CDH20: variants seen among roughly 807,000 people sequenced by gnomAD.
CDH20 encodes cadherin 20.
Under a neutral mutation model 74.2 loss-of-function variants are expected in CDH20, and 29 were observed. The observed-to-expected ratio is 0.39, with a 90% CI of 0.29 to 0.53. The LOEUF is 0.53. Ranked by LOEUF, CDH20 falls within the 20% of genes least tolerant of loss-of-function variation. CDH20 has a pLI of 0.69. For synonymous variants in CDH20, 469 were observed against 405.4 expected (o/e 1.16, Z -1.88); for missense variants, 988 against 1,048.3 (o/e 0.94, Z 0.79).
At chr18:61,466,560 T>G (rs1909969106) in intron 1 of CDH20, among the ~76,000 whole-genome samples, 1 of 152,106 alleles carries the variant, frequency 6.6e-6, no homozygotes. Flanking sequence ...CGAAACAATC[T>G]AGGGGACAGA....
intron 11 of CDH20, 82 bp from the exon 12 acceptor site, chr18:61,554,108 T>C: frequency 6.6e-7 from 1 of 1,510,030 alleles, no homozygotes; most frequent in East Asian, 2.3e-5. Context: ...CCCCTATCCG[T>C]GGTGAATCAA....
chr18:61,428,175 T>TC (rs1296667720), intron 1 of CDH20, among the ~76,000 whole-genome samples: 1 of 152,174 alleles, frequency 6.6e-6, no homozygotes, highest in Non-Finnish European at 1.5e-5. Flanking sequence ...ATCCTGTGTT[T>TC]CCCAAGTAAT....
intron 1 of CDH20, among the ~76,000 whole-genome samples, chr18:61,399,098 T>C (rs1329100354): frequency 6.6e-6 from 1 of 151,266 alleles, no homozygotes; most frequent in Non-Finnish European, 1.5e-5. Context: ...GAAACTTTTA[T>C]CAACATGACT....
At chr18:61,496,647 C>G (rs540315325) in intron 2 of CDH20, among the ~76,000 whole-genome samples, 1 of 152,156 alleles carries the variant, frequency 6.6e-6, no homozygotes, top group African/African-American at 2.4e-5. Context: ...CGCTCACCTG[C>G]GGCCTGCCGG....
intron 1 of CDH20, among the ~76,000 whole-genome samples, chr18:61,416,575 C>G (rs976741308): frequency 1.3e-5 from 2 of 152,190 alleles, no homozygotes; most frequent in Admixed American, 1.3e-4. Context: ...GCCATCTCAT[C>G]TATATGACAG....
intron 1 of CDH20, among the ~76,000 whole-genome samples, chr18:61,471,843 A>G (rs1910192101): frequency 6.6e-6 from 1 of 152,204 alleles, no homozygotes. Flanking sequence ...AGAGAAGCTC[A>G]GCTGAGATAC....
intron 1 of CDH20, among the ~76,000 whole-genome samples, chr18:61,439,167 A>C (rs1477724182): frequency 6.6e-6 from 1 of 152,118 alleles, no homozygotes; most frequent in Non-Finnish European, 1.5e-5. Context: ...TAGTACCTGG[A>C]TGACGAGATC....
intron 1 of CDH20, among the ~76,000 whole-genome samples, chr18:61,351,297 C>G (rs577916329): frequency 1.3e-5 from 2 of 152,152 alleles, no homozygotes; most frequent in Non-Finnish European, 2.9e-5. Flanking sequence ...TTCACTCCCC[C>G]CATCCTCTGG....
At chr18:61,495,043 G>C (rs1911086085) in intron 2 of CDH20, among the ~76,000 whole-genome samples, 1 of 152,128 alleles carries the variant, frequency 6.6e-6, no homozygotes, top group Admixed American at 6.5e-5. Context: ...AGAATGATTA[G>C]GATAAGTGAG....
intron 2 of CDH20, among the ~76,000 whole-genome samples, chr18:61,495,775 G>A (rs1911118037): frequency 6.6e-6 from 1 of 152,142 alleles, no homozygotes; most frequent in African/African-American, 2.4e-5. Flanking sequence ...TCTCTCTGAT[G>A]CCTCGGGGCT....
intron 1 of CDH20, among the ~76,000 whole-genome samples, chr18:61,411,513 A>C (rs1412357031): frequency 1.3e-5 from 2 of 150,942 alleles, no homozygotes; most frequent in Non-Finnish European, 3.0e-5. Context: ...CCAAATGCCC[A>C]TCAATCAATG....
intron 9 of CDH20, among the ~76,000 whole-genome samples, chr18:61,540,782 A>G (rs1913008042): frequency 6.6e-6 from 1 of 152,214 alleles, no homozygotes; most frequent in Admixed American, 6.5e-5. Context: ...CTGCATAACC[A>G]AAACTTATGT....
chr18:61,497,477 T>C lies in CDH20; in HGVS notation c.247-1709T>C, dbSNP rs369803576. ...CCTTCTGCAGCTTTTACCATGAGAC[T>C]GTGCATAACAAAAAAGCCAACAGGT... On this transcript the variant is annotated intron_variant, in intron 2 of 11. Coordinates refer to ENST00000262717, the MANE Select transcript of CDH20 (RefSeq NM_031891.4). Among the ~76,000 whole-genome samples, 12 of 152,348 alleles carry C rather than the reference T, an allele frequency of 7.9e-5. No individual in the cohort carries two copies. In the East Asian group the frequency reaches 1.7e-3, roughly 22 times the overall value.
At chr18:61,442,433 A>C (rs1449948289) in intron 1 of CDH20, among the ~76,000 whole-genome samples, 1 of 151,780 alleles carries the variant, frequency 6.6e-6, no homozygotes, top group African/African-American at 2.4e-5. Flanking sequence ...CATCTGTCTT[A>C]GAACATCACA....
At chr18:61,481,554 T>G (rs1910589431) in intron 1 of CDH20, among the ~76,000 whole-genome samples, 1 of 152,196 alleles carries the variant, frequency 6.6e-6, no homozygotes, top group Admixed American at 6.5e-5. Context: ...ACAAGATACA[T>G]AATAAACATC....
chr18:61,496,170 C>T (rs1223319857), intron 2 of CDH20, among the ~76,000 whole-genome samples: 1 of 28,910 alleles, frequency 3.5e-5, no homozygotes, highest in African/African-American at 1.3e-4. Flanking sequence ...CCTCCTCTCC[C>T]CCTCCCTCTC....
intron 1 of CDH20, among the ~76,000 whole-genome samples, chr18:61,367,491 G>A (rs1047821865): frequency 1.3e-5 from 2 of 152,076 alleles, no homozygotes; most frequent in African/African-American, 4.8e-5. Flanking sequence ...AAAATCAAGG[G>A]GTCAGCAGAG....
chr18:61,555,424 C>T lies in CDH20; in HGVS notation c.*729C>T, dbSNP rs1458372171. The T allele has an allele frequency of 2.0e-6, 2 of 985,316 alleles. No individual in the cohort carries two copies. The highest frequency in any genetic ancestry group is 1.7e-5 in the African/African-American group (1 of 57,240). The allele number at this position is 985,316 out of a possible 1,614,324, so 61.0% of individuals were successfully genotyped here. ...TCCTCTCAGCTATTTAACTGTGCCC[C>T]TGCAAAATTGTTCAGAATGAAACCA... On this transcript the variant is annotated 3_prime_UTR_variant, in exon 12 of 12. Transcript: ENST00000262717.
chr18:61,483,746 G>C (rs1013949040), intron 1 of CDH20, among the ~76,000 whole-genome samples: 1 of 152,154 alleles, frequency 6.6e-6, no homozygotes, highest in African/African-American at 2.4e-5. Flanking sequence ...AAATGTCTAA[G>C]AGTTTCATAT....
Sources: gnomAD v4.1 joint callset for allele counts (sites outside exome capture counted in the v4.1 genomes callset) on GRCh38, gnomAD v4.1.1 for gene constraint, MANE v1.5 for transcripts, NCBI Gene and HGNC (gene_info 2026-07-23, HGNC 2026-07-21) for gene names.